Variants in ANO1 observed in about 807,000 individuals in gnomAD.
ANO1 encodes anoctamin-1.
ANO1 carries 59 observed loss-of-function variants against 124.0 expected under a neutral mutation model. The ratio of observed to expected loss-of-function variants is 0.48; its 90% CI spans 0.39 to 0.59. The LOEUF (loss-of-function observed/expected upper bound fraction) is 0.59. ANO1 is among the 20% of genes least tolerant of loss of function. The pLI is 0.00. For missense variants in ANO1, 1,059 were observed against 1,328.0 expected (o/e 0.80, Z 3.15); for synonymous variants, 529 against 532.0 (o/e 0.99, Z 0.08).
intron 1 of ANO1, among the ~76,000 whole-genome samples, chr11:70,048,779 T>C (rs2135075504): frequency 6.6e-6 from 1 of 150,836 alleles, no homozygotes; most frequent in South Asian, 2.1e-4. Flanking sequence ...GTTTTGTGCG[T>C]GCCGGAGACC....
rs539151635 is a variant in ANO1, at chr11:70,001,011, G to A, written c.58+14845G>A. On this transcript the variant is annotated intron_variant, in intron 1 of 27. Transcript: ENST00000531349. Reference sequence around the variant, plus strand: ...GACTGATATTCTGGAAGACTGATAGGCAGATTTACTATTAACAAACACATA... The same window carrying A: ...GACTGATATTCTGGAAGACTGATAGACAGATTTACTATTAACAAACACATA... Among the ~76,000 whole-genome samples the A allele has an allele frequency of 3.3e-5, 5 of 152,034 alleles. No homozygotes were observed. The East Asian group carries it at 7.8e-4, about 24-fold the overall frequency.
chr11:69,973,909 G>T, the ANO1 span, among the ~76,000 whole-genome samples: 3 of 151,588 alleles, frequency 2.0e-5, no homozygotes, highest in African/African-American at 7.3e-5. Context: ...GTTTCAAAAA[G>T]GTTGTAAGAT....
intron 1 of ANO1, among the ~76,000 whole-genome samples, chr11:70,050,824 C>T (rs1555006214): frequency 6.6e-6 from 1 of 152,120 alleles, no homozygotes; most frequent in African/African-American, 2.4e-5. Flanking sequence ...ACATCTCTGA[C>T]CTCAATTTCC....
chr11:69,966,137 G>C, the ANO1 span, among the ~76,000 whole-genome samples: 1 of 152,346 alleles, frequency 6.6e-6, no homozygotes, highest in East Asian at 1.9e-4. Flanking sequence ...CCCCGCAATG[G>C]AAGTCGCTGC....
At chr11:70,061,537 A>G (rs187703847) in intron 1 of ANO1, among the ~76,000 whole-genome samples, 122 of 136,182 alleles carry the variant, frequency 9.0e-4, no homozygotes, top group Non-Finnish European at 1.5e-3. Context: ...TCTCTCCTCC[A>G]GAATGTTGAG....
chr11:70,062,792 G>T (rs1051759727), intron 1 of ANO1, among the ~76,000 whole-genome samples: 1 of 152,364 alleles, frequency 6.6e-6, no homozygotes, highest in Non-Finnish European at 1.5e-5. Flanking sequence ...ATATTTGAAA[G>T]CTCCTTGGGT....
At chr11:70,048,079 T>C (rs375219698) in intron 1 of ANO1, among the ~76,000 whole-genome samples, 27 of 152,320 alleles carry the variant, frequency 1.8e-4, no homozygotes, top group African/African-American at 5.8e-4. Flanking sequence ...TTGGTGAAAA[T>C]AGAAACTTTC....
chr11:70,033,904 TC>T (rs1555004087), intron 1 of ANO1, among the ~76,000 whole-genome samples: 1 of 152,112 alleles, frequency 6.6e-6, no homozygotes, highest in African/African-American at 2.4e-5. Flanking sequence ...ACATCTGCTG[TC>T]ACTATCTTGA....
chr11:70,066,349 C>G (rs1555008584), intron 1 of ANO1, among the ~76,000 whole-genome samples: 1 of 152,144 alleles, frequency 6.6e-6, no homozygotes, highest in African/African-American at 2.4e-5. Context: ...GGGGCCCACT[C>G]TTAACATCTC....
At chr11:70,085,575 A>G in intron 1 of ANO1, 1 of 1,535,926 alleles carries the variant, frequency 6.5e-7, no homozygotes, top group East Asian at 2.4e-5. Context: ...GAGGCATCCT[A>G]GGGCCAGAGA....
At chr11:69,976,562 A>AGG in the ANO1 span, among the ~76,000 whole-genome samples, 5 of 141,368 alleles carry the variant, frequency 3.5e-5, no homozygotes, top group Non-Finnish European at 4.6e-5. Flanking sequence ...AAAGAGAGAG[A>AGG]GAGAGAGATT....
In ANO1 at chr11:70,078,618, C is replaced by T. The variant is rs755012948; in HGVS notation, c.12C>T (p.Asn4=). ...CACAGGCGGCCACGATGAGGGTCAACGAGAAGTACTCGACGCTCCCGGCCG... is the reference window on the plus strand; with the variant it reads ...CACAGGCGGCCACGATGAGGGTCAATGAGAAGTACTCGACGCTCCCGGCCG... MRV[N]EKYSTLPAED... The change falls in exon 1 of 26, where the codon AAC becomes AAT. Residue 4 remains asparagine (N), a synonymous_variant. Transcript: ENST00000355303. 1.3e-5 allele frequency: 19 copies of T among 1,493,914 alleles called. No homozygotes were observed. In the Admixed American group the frequency reaches 3.7e-4, roughly 29 times the overall value. The allele number at this position is 1,493,914 out of a possible 1,614,324, so 92.5% of individuals were successfully genotyped here.
upstream of ANO1, among the ~76,000 whole-genome samples, chr11:69,983,406 G>A (rs553748682): frequency 3.9e-5 from 6 of 152,256 alleles, no homozygotes; most frequent in East Asian, 1.9e-4. Context: ...ACTGTATTCC[G>A]TAATGACGGC....
chr11:70,126,070 T>A lies in ANO1; in HGVS notation c.972T>A (p.Phe324Leu). The A allele has an allele frequency of 6.2e-7, 1 of 1,609,240 alleles. No homozygotes were observed. The highest frequency in any genetic ancestry group is 8.5e-7 in the Non-Finnish European group (1 of 1,177,642). Residue 324 changes from phenylalanine to leucine, a missense_variant, in exon 10 of 26, where the codon TTT becomes TTA. Around this residue, in one of 2 missense-constraint regions of ANO1, gnomAD observed 809 missense variants for 1,094.9 expected, o/e 0.74. Transcript: ENST00000355303. Reference sequence around the variant, plus strand: ...TGCTCCCCTGGTGTAGGAAGTATTTTGGGGAGAAGATCGGCCTGTACTTCG... The same window carrying A: ...TGCTCCCCTGGTGTAGGAAGTATTTAGGGGAGAAGATCGGCCTGTACTTCG... ...YQPIDLVRKY[F>L]GEKIGLYFAW...
intron 5 of ANO1, among the ~76,000 whole-genome samples, chr11:70,106,329 G>A (rs954596174): frequency 6.6e-6 from 1 of 152,212 alleles, no homozygotes; most frequent in Non-Finnish European, 1.5e-5. Flanking sequence ...AGCCAAGCTG[G>A]GGCTGTGCAT....
rs1420127692 is a variant in ANO1 at position 70,180,006 on chromosome 11, A to T, written c.2353A>T (p.Ile785Phe). The change falls in exon 23 of 26, where the codon ATC (isoleucine) becomes TTC (phenylalanine). Residue 785 changes from isoleucine (I) to phenylalanine (F), a missense_variant and splice_region_variant. Ile to Phe is a conservative substitution (Grantham distance 21, BLOSUM62 0). This residue lies in a region of ANO1 where 809 missense variants were observed against 1,094.9 expected (regional missense o/e 0.74). Transcript: ENST00000355303. ...ACTGTGACTTCTTCTTCCCCCAGGAATCTGGTACAATATCCTCAGAGGCAT... is the reference window on the plus strand; with the variant it reads ...ACTGTGACTTCTTCTTCCCCCAGGATTCTGGTACAATATCCTCAGAGGCAT... ...PVAVRAKDIG[I>F]WYNILRGIGK... The T allele has an allele frequency of 6.8e-6, 11 of 1,612,378 alleles. No individual in the cohort carries two copies. Among genetic ancestry groups the T allele is most frequent in the Non-Finnish European group, 9.3e-6 (11 of 1,178,602 alleles).
chr11:70,161,575 G>A (rs764271589), intron 17 of ANO1, 47 bp from the exon 18 acceptor site: 23 of 1,588,530 alleles, frequency 1.4e-5, no homozygotes, highest in Non-Finnish European at 2.0e-5. Context: ...AGGCTGTTGG[G>A]GGCCATCCCA....
At chr11:69,985,445 T>A (rs970670855), upstream of ANO1, among the ~76,000 whole-genome samples, 2 of 152,042 alleles carry the variant, frequency 1.3e-5, no homozygotes, top group Non-Finnish European at 2.9e-5. Flanking sequence ...AGCCTCCTCG[T>A]GTGACAAATT....
chr11:70,062,118 C>T (rs1278861329), intron 1 of ANO1, among the ~76,000 whole-genome samples: 82 of 135,910 alleles, frequency 6.0e-4, no homozygotes, highest in Non-Finnish European at 4.6e-5. Flanking sequence ...CTCTTTTTGC[C>T]CAGGCTGGAG....
Sources: gnomAD v4.1 joint callset for allele counts (sites outside exome capture counted in the v4.1 genomes callset) on GRCh38, gnomAD v4.1.1 for gene constraint, gnomAD v4.1.1 regional missense constraint, MANE v1.5 for transcripts, NCBI Gene and HGNC (gene_info 2026-07-23, HGNC 2026-07-21) for gene names.